The following CCDC146 variants were observed in gnomAD, a reference collection of about 807,000 sequenced individuals.
CCDC146 encodes coiled-coil domain-containing protein 146.
CCDC146 carries 92 observed loss-of-function variants against 119.3 expected under a neutral mutation model. That is an observed-to-expected ratio of 0.77 (90% CI 0.65 to 0.92). CCDC146 has a LOEUF of 0.92. Among genes scored for constraint, CCDC146 ranks in the 40% least tolerant of loss-of-function variants. The probability of loss-of-function intolerance (pLI) is 0.00; values close to 1 mark genes in which losing one functional copy is unlikely to be tolerated. For synonymous variants in CCDC146, 372 were observed against 371.8 expected (o/e 1.00, Z -0.01); for missense variants, 1,000 against 1,103.0 (o/e 0.91, Z 1.32).
intron 4 of CCDC146, among the ~76,000 whole-genome samples, chr7:77,248,543 A>C (rs1387435484): frequency 2.6e-5 from 4 of 152,202 alleles, no homozygotes; most frequent in African/African-American, 9.6e-5. Context: ...CATTTATTTC[A>C]TATGATTTTC....
At chr7:77,203,298 T>C (rs1440838768) in intron 2 of CCDC146, among the ~76,000 whole-genome samples, 2 of 152,094 alleles carry the variant, frequency 1.3e-5, no homozygotes, top group South Asian at 4.1e-4. Context: ...AGCATGCTAA[T>C]GACAGAGGTA....
chr7:77,166,774 C>T (rs2117481740), intron 1 of CCDC146, among the ~76,000 whole-genome samples: 1 of 152,092 alleles, frequency 6.6e-6, no homozygotes, highest in Non-Finnish European at 1.5e-5. Context: ...GACATTTTGA[C>T]AAGGAATCCC....
At chr7:77,275,944 T>A (rs957407830) in intron 11 of CCDC146, among the ~76,000 whole-genome samples, 12 of 152,144 alleles carry the variant, frequency 7.9e-5, no homozygotes, top group Non-Finnish European at 1.5e-5. Flanking sequence ...TGGTGACTCA[T>A]GCCTGTAATC....
At chr7:77,169,404 C>A (rs1358394986) in intron 2 of CCDC146, among the ~76,000 whole-genome samples, 3 of 152,202 alleles carry the variant, frequency 2.0e-5, no homozygotes, top group East Asian at 1.9e-4. Context: ...AGAAGAGATA[C>A]TCTGAGACTA....
rs1339225640 is a variant in CCDC146, at chr7:77,141,620, G to A, written c.-12+18888G>A. Among the ~76,000 whole-genome samples the A allele has an allele frequency of 3.9e-5, 6 of 152,210 alleles. No homozygotes were observed. In the East Asian group the frequency reaches 7.7e-4, roughly 20 times the overall value. On this transcript the variant is annotated intron_variant, in intron 1 of 18. Coordinates refer to ENST00000285871, the MANE Select transcript of CCDC146 (RefSeq NM_020879.3). ...TTTAATGATTGCTATTCTAACTGAC[G>A]TGAGATGGCATCTCGTTGTGGTTTT... is the stretch of plus-strand genomic sequence containing the variant.
chr7:77,229,963 C>T (rs936877265), intron 2 of CCDC146, among the ~76,000 whole-genome samples: 1 of 152,192 alleles, frequency 6.6e-6, no homozygotes, highest in Non-Finnish European at 1.5e-5. Flanking sequence ...CACTAGTTGT[C>T]TTATGTGTAG....
At position 77,212,620 on chromosome 7, in the gene CCDC146, CAA is replaced by C. The variant is rs11449217; in HGVS notation, c.157-24307_157-24306del. 4.3e-3 allele frequency among the ~76,000 whole-genome samples: 348 copies of C among 80,934 alleles called. 2 individuals carry two copies. The highest frequency in any genetic ancestry group is 0.015 in the African/African-American group (313 of 21,184). The allele number at this position is 80,934 out of a possible 152,430, so 53.1% of individuals were successfully genotyped here. A position where few individuals can be genotyped will look rare whatever the true frequency, so the allele number is the denominator to read the frequency against. On this transcript the variant is annotated intron_variant, in intron 2 of 18. Coordinates refer to ENST00000285871, the MANE Select transcript of CCDC146 (RefSeq NM_020879.3). Reference sequence around the variant, plus strand: ...TGGGTGACAGAGCAAGACTCCGTCTCAAAAAAAAAAAAAAAAAAAAATTGAAG... The same window carrying C: ...TGGGTGACAGAGCAAGACTCCGTCTCAAAAAAAAAAAAAAAAAAATTGAAG...
intron 1 of CCDC146, among the ~76,000 whole-genome samples, chr7:77,163,138 A>C (rs553831722): frequency 0.012 from 1,899 of 152,276 alleles, 23 homozygotes; most frequent in Non-Finnish European, 0.018. Context: ...TTTCAAAGTT[A>C]ATACCATCTT....
intron 4 of CCDC146, among the ~76,000 whole-genome samples, chr7:77,249,486 CAAAAA>C (rs36137608): frequency 5.2e-5 from 5 of 96,750 alleles, no homozygotes; most frequent in Admixed American, 1.1e-4. Flanking sequence ...GACTCTGTCT[CAAAAA>C]AAAAAAAAAA....
At chr7:77,278,606 C>A in intron 11 of CCDC146, 146 bp from the exon 12 acceptor site, 1 of 588,422 alleles carries the variant, frequency 1.7e-6, no homozygotes, top group Non-Finnish European at 3.0e-6. Context: ...CCACCATACC[C>A]AGATAATTTT....
intron 6 of CCDC146, 74 bp downstream of exon 6, chr7:77,256,583 C>A: frequency 8.1e-7 from 1 of 1,236,430 alleles, no homozygotes; most frequent in East Asian, 2.4e-5. Flanking sequence ...TCAAGAGTAA[C>A]CAGCAGGTTG....
intron 2 of CCDC146, among the ~76,000 whole-genome samples, chr7:77,222,815 A>C (rs1792430172): frequency 6.6e-6 from 1 of 152,200 alleles, no homozygotes; most frequent in Non-Finnish European, 1.5e-5. Flanking sequence ...TTACAGATGC[A>C]CCGGTGGTGG....
chr7:77,211,645 T>G (rs1792186693), intron 2 of CCDC146, among the ~76,000 whole-genome samples: 2 of 152,110 alleles, frequency 1.3e-5, no homozygotes, highest in Non-Finnish European at 2.9e-5. Flanking sequence ...AGACAGAGTC[T>G]CACTCTGTCA....
chr7:77,262,219 G>T lies in CCDC146; in HGVS notation c.1085G>T (p.Arg362Leu). The T allele has an allele frequency of 6.2e-7, 1 of 1,613,940 alleles. No homozygotes were observed. Among genetic ancestry groups the T allele is most frequent in the East Asian group, 2.2e-5 (1 of 44,856 alleles). ...CAAAGAGAGAAAGAACGAGATTTTC[G>T]AAATTTAAGAAAGATGGAACTGCTC... The part of the protein sequence containing the change: ...RKQREKERDF[R>L]NLRKMELLLK... Residue 362 changes from arginine to leucine, a missense_variant, in exon 9 of 19, where the codon CGA (arginine) becomes CTA (leucine). Arg to Leu is a moderately radical substitution (Grantham distance 102). Transcript: ENST00000285871.
intron 2 of CCDC146, among the ~76,000 whole-genome samples, chr7:77,172,874 C>T (rs1791444172): frequency 6.6e-6 from 1 of 152,154 alleles, no homozygotes; most frequent in Non-Finnish European, 1.5e-5. Context: ...TTTGCAACCC[C>T]TGGGTCTGTT....
chr7:77,187,359 A>T (rs1310786571), intron 2 of CCDC146, among the ~76,000 whole-genome samples: 1 of 152,218 alleles, frequency 6.6e-6, no homozygotes, highest in Non-Finnish European at 1.5e-5. Context: ...TAGTTTGATT[A>T]TGTCACATTT....
At position 77,286,444 on chromosome 7, in the gene CCDC146, C is replaced by T. The variant is rs181525449; in HGVS notation, c.2149-354C>T. 1.3e-3 allele frequency among the ~76,000 whole-genome samples: 203 copies of T among 152,230 alleles called. 2 individuals are homozygous for T. Among genetic ancestry groups the T allele is most frequent in the African/African-American group, 4.5e-3 (186 of 41,532 alleles). On this transcript the variant is annotated intron_variant, in intron 15 of 18. Transcript: ENST00000285871. ...ACATGAGATTTGGAGGGGGACACATCGAAACCATATCAGGCTGTATACTTG... is the reference window on the plus strand; with the variant it reads ...ACATGAGATTTGGAGGGGGACACATTGAAACCATATCAGGCTGTATACTTG...
In CCDC146 at chr7:77,293,007, T is replaced by C; in HGVS notation, c.2471T>C (p.Val824Ala). The C allele has an allele frequency of 6.2e-7, 1 of 1,614,140 alleles. No individual in the cohort carries two copies. The highest frequency in any genetic ancestry group is 1.1e-5 in the South Asian group (1 of 91,080). Residue 824 changes from valine to alanine, a missense_variant, in exon 18 of 19, where the codon GTT (valine) becomes GCT (alanine). This residue lies in a region of CCDC146 where 985 missense variants were observed against 1,045.3 expected (regional missense o/e 0.94). Transcript: ENST00000285871. ...GCAACTGAGAAAATGATGGCTCTTG[T>C]TGCTGAGCTGTCCATGAAACAAGCC... ...KNATEKMMAL[V>A]AELSMKQALT...
At position 77,122,727 on chromosome 7, in the gene CCDC146, G is replaced by A. The variant is rs1019738206; in HGVS notation, c.-17G>A. 9.3e-5 allele frequency: 15 copies of A among 162,148 alleles called. No homozygotes were observed. Among genetic ancestry groups the A allele is most frequent in the Non-Finnish European group, 1.9e-4 (14 of 72,716 alleles). The allele number at this position is 162,148 out of a possible 1,614,324, so 10.0% of individuals were successfully genotyped here. A position where few individuals can be genotyped will look rare whatever the true frequency, so the allele number is the denominator to read the frequency against. ...GCCTAAATAAGGATCAGGACCAAGG[G>A]AAGGGGTAAGAAACTGCGCTTTTTA... On this transcript the variant is annotated 5_prime_UTR_variant, in exon 1 of 19. Coordinates refer to ENST00000285871, the MANE Select transcript of CCDC146 (RefSeq NM_020879.3).
Sources: gnomAD v4.1 joint callset for allele counts (sites outside exome capture counted in the v4.1 genomes callset) on GRCh38, gnomAD v4.1.1 for gene constraint, gnomAD v4.1.1 regional missense constraint, MANE v1.5 for transcripts, NCBI Gene and HGNC (gene_info 2026-07-23, HGNC 2026-07-21) for gene names.